The following ITPR1 variants were observed in gnomAD, a reference collection of about 807,000 sequenced individuals.
The protein encoded by ITPR1 is inositol 1,4,5-trisphosphate-gated calcium channel ITPR1.
Under a neutral mutation model 318.4 loss-of-function variants are expected in ITPR1, and 96 were observed. The observed-to-expected ratio is 0.30, with a 90% confidence interval of 0.26 to 0.36. The LOEUF is 0.36. ITPR1 is among the 10% of genes least tolerant of loss of function. ITPR1 has a pLI of 1.00. For missense variants in ITPR1, 2,440 were observed against 3,460.2 expected (o/e 0.71, Z 7.40); for synonymous variants, 1,312 against 1,289.9 (o/e 1.02, Z -0.37).
At chr3:4,627,933 G>T in intron 5 of ITPR1, 55 bp downstream of exon 5, 1 of 1,038,122 alleles carries the variant, frequency 9.6e-7, no homozygotes, top group Non-Finnish European at 1.4e-6. Flanking sequence ...TGCCTTGGTG[G>T]TATCTGGGTG....
At chr3:4,530,218 T>C (rs2083301339) in intron 4 of ITPR1, among the ~76,000 whole-genome samples, 1 of 152,182 alleles carries the variant, frequency 6.6e-6, no homozygotes, top group Admixed American at 6.5e-5. Flanking sequence ...AATACACAGC[T>C]ACTGTTTTCT....
chr3:4,840,914 C>T lies in ITPR1; in HGVS notation c.8190+3979C>T, dbSNP rs143822882. ...TGACTGGCTTCCTATAGGACAGCGACCATTATTTGCTGTTGCTAGGAATAC... is the reference window on the plus strand; with the variant it reads ...TGACTGGCTTCCTATAGGACAGCGATCATTATTTGCTGTTGCTAGGAATAC... On this transcript the variant is annotated intron_variant, in intron 61 of 61. Coordinates refer to ENST00000649015, the MANE Select transcript of ITPR1 (RefSeq NM_001378452.1). Among the ~76,000 whole-genome samples, 3 of 152,304 alleles carry T rather than the reference C, an allele frequency of 2.0e-5. No homozygotes were observed. The East Asian group carries it at 5.8e-4, about 29-fold the overall frequency.
intron 4 of ITPR1, among the ~76,000 whole-genome samples, chr3:4,565,307 T>G (rs2087115277): frequency 6.6e-6 from 1 of 152,202 alleles, no homozygotes; most frequent in Non-Finnish European, 1.5e-5. Context: ...TCACAGCCAC[T>G]AGCACTGGAG....
chr3:4,616,217 CCATT>C (rs2092383578), intron 4 of ITPR1, among the ~76,000 whole-genome samples: 1 of 152,284 alleles, frequency 6.6e-6, no homozygotes, highest in South Asian at 2.1e-4. Flanking sequence ...CCTTGACTAT[CCATT>C]CATTTATTAA....
intron 51 of ITPR1, 47 bp downstream of exon 51, chr3:4,783,967 A>G: frequency 1.6e-6 from 2 of 1,287,138 alleles, no homozygotes; most frequent in Non-Finnish European, 2.2e-6. Flanking sequence ...TGAGGCCATT[A>G]GTGTGCAATG....
At chr3:4,813,965 A>T (rs141268701) in intron 57 of ITPR1, among the ~76,000 whole-genome samples, 4 of 152,360 alleles carry the variant, frequency 2.6e-5, no homozygotes, top group African/African-American at 4.8e-5. Flanking sequence ...AACAGCCTCC[A>T]ATGTAAAGCA....
Position 4,691,125 on chromosome 3 carries a change from T to C in ITPR1, c.3829-19T>C. The C allele has an allele frequency of 6.3e-7, 1 of 1,579,170 alleles. No homozygotes were observed. Among genetic ancestry groups the C allele is most frequent in the Non-Finnish European group, 8.6e-7 (1 of 1,156,754 alleles). On this transcript the variant is annotated intron_variant, in intron 31 of 61. Transcript: ENST00000649015. ...CTTTTTGACTTGTCCCTGTGCTCTT[T>C]TCCTCACTCTTGTGCCAGATCCTGG...
chr3:4,532,135 CT>C (rs1278508191), intron 4 of ITPR1, among the ~76,000 whole-genome samples: 10 of 152,292 alleles, frequency 6.6e-5, no homozygotes, highest in Admixed American at 2.0e-4. Context: ...CCCTTCCCCC[CT>C]ATTGCATTAA....
intron 2 of ITPR1, among the ~76,000 whole-genome samples, chr3:4,495,622 T>C (rs1333867451): frequency 6.6e-6 from 1 of 152,238 alleles, no homozygotes; most frequent in Non-Finnish European, 1.5e-5. Flanking sequence ...GACTCTTTTC[T>C]AACTGGTTGC....
chr3:4,715,876 T>C (rs1402348156), intron 39 of ITPR1, among the ~76,000 whole-genome samples: 1 of 152,066 alleles, frequency 6.6e-6, no homozygotes, highest in Non-Finnish European at 1.5e-5. Context: ...CAACAAATTA[T>C]CACATATGAT....
At chr3:4,689,476 A>T (rs1197671904) in intron 31 of ITPR1, among the ~76,000 whole-genome samples, 1 of 152,236 alleles carries the variant, frequency 6.6e-6, no homozygotes, top group Non-Finnish European at 1.5e-5. Context: ...GCAAACACTC[A>T]TTGGAGCATT....
At chr3:4,618,359 T>C (rs1185977863) in intron 4 of ITPR1, among the ~76,000 whole-genome samples, 1 of 152,234 alleles carries the variant, frequency 6.6e-6, no homozygotes, top group Non-Finnish European at 1.5e-5. Flanking sequence ...GTGTGTCTCT[T>C]GATGTCTGTA....
chr3:4,627,003 T>A (rs2092850244), intron 4 of ITPR1, among the ~76,000 whole-genome samples: 1 of 152,072 alleles, frequency 6.6e-6, no homozygotes, highest in African/African-American at 2.4e-5. Flanking sequence ...TATTTTTTAG[T>A]AGAGACGGGG....
chr3:4,562,145 G>C (rs563646227), intron 4 of ITPR1, among the ~76,000 whole-genome samples: 10 of 152,034 alleles, frequency 6.6e-5, no homozygotes, highest in East Asian at 1.9e-4. Context: ...TTTTAAGAAA[G>C]TTTACAGATT....
At position 4,693,684 on chromosome 3, in the gene ITPR1, C is replaced by A; in HGVS notation, c.4224C>A (p.Ser1408=). The change falls in exon 33 of 62, where the codon TCC becomes TCA. Residue 1408 remains serine (S), a synonymous_variant. Transcript: ENST00000649015. ...TCTACACAGAGATCAAGTGCAACTC[C>A]CTGCTCCCGCTGGATGACATCGTTC... ...KNVYTEIKCN[S]LLPLDDIVRV... is the part of the protein sequence containing the mutation. 1.2e-6 allele frequency: 2 copies of A among 1,614,056 alleles called. No individual in the cohort carries two copies. Among genetic ancestry groups the A allele is most frequent in the Non-Finnish European group, 1.7e-6 (2 of 1,179,928 alleles).
At chr3:4,657,397 G>GTT (rs1260470287) in intron 12 of ITPR1, among the ~76,000 whole-genome samples, 1 of 125,700 alleles carries the variant, frequency 8.0e-6, no homozygotes, top group African/African-American at 3.0e-5. Flanking sequence ...TTTTTTTTTT[G>GTT]TTTTTTTTTT....
chr3:4,512,588 A>ATTT, intron 2 of ITPR1, among the ~76,000 whole-genome samples: 1 of 152,196 alleles, frequency 6.6e-6, no homozygotes, highest in African/African-American at 2.4e-5. Context: ...TACACATCTG[A>ATTT]TTTTTTAAAC....
intron 4 of ITPR1, among the ~76,000 whole-genome samples, chr3:4,558,598 A>G (rs79598450): frequency 2.0e-5 from 3 of 152,162 alleles, no homozygotes; most frequent in Admixed American, 2.0e-4. Flanking sequence ...CTACTTTTTT[A>G]AAAAATGAAA....
intron 47 of ITPR1, 71 bp from the exon 48 acceptor site, chr3:4,777,193 C>T (rs762156476): frequency 4.6e-6 from 4 of 862,206 alleles, no homozygotes; most frequent in Non-Finnish European, 7.6e-6. Context: ...AATAGCAGTT[C>T]AGCCTGTTGG....
Sources: gnomAD v4.1 joint callset for allele counts (sites outside exome capture counted in the v4.1 genomes callset) on GRCh38, gnomAD v4.1.1 for gene constraint, MANE v1.5 for transcripts, NCBI Gene and HGNC (gene_info 2026-07-23, HGNC 2026-07-21) for gene names.